TAS2R1: variants seen among roughly 807,000 people sequenced by gnomAD.
TAS2R1 encodes taste 2 receptor member 1.
For synonymous variants in TAS2R1, 141 were observed against 134.2 expected (o/e 1.05, Z -0.35); for missense variants, 370 against 353.4 (o/e 1.05, Z -0.38).
At chr5:9,775,515 A>G in the TAS2R1 span, among the ~76,000 whole-genome samples, 1 of 152,154 alleles carries the variant, frequency 6.6e-6, no homozygotes, top group African/African-American at 2.4e-5. Flanking sequence ...TTCCATAGAC[A>G]TCACAGCTGG....
chr5:9,640,512 A>AAAC (rs1561366615), intron 2 of TAS2R1, among the ~76,000 whole-genome samples: 4 of 150,660 alleles, frequency 2.7e-5, no homozygotes, highest in Non-Finnish European at 5.9e-5. Context: ...AAAAAAAAAA[A>AAAC]AAAAAAAAAA....
In TAS2R1 at chr5:9,630,191, A is replaced by T. The variant is rs935189695; in HGVS notation, c.-159T>A. 1 of 550,702 alleles carries T rather than the reference A, an allele frequency of 1.8e-6. No homozygotes were observed. The highest frequency in any genetic ancestry group is 3.1e-6 in the Non-Finnish European group (1 of 320,524). 34.1% of individuals were successfully genotyped at this position (550,702 alleles called of 1,614,324 possible). A position where few individuals can be genotyped will look rare whatever the true frequency, so the allele number is the denominator to read the frequency against. ...AAGGTGGTGTACATTTGTTTATGTCACTGCTTTCTCTATTTAGTTCTGAGA... is the reference window on the plus strand; with the variant it reads ...AAGGTGGTGTACATTTGTTTATGTCTCTGCTTTCTCTATTTAGTTCTGAGA... On this transcript the variant is annotated 5_prime_UTR_variant, in exon 1 of 1. Coordinates refer to ENST00000382492, the MANE Select transcript of TAS2R1 (RefSeq NM_019599.3).
the TAS2R1 span, among the ~76,000 whole-genome samples, chr5:9,838,927 G>T: frequency 6.6e-6 from 1 of 152,220 alleles, no homozygotes; most frequent in Non-Finnish European, 1.5e-5. Context: ...AGAGCTGGAT[G>T]GTTAGAAGGC....
the TAS2R1 span, among the ~76,000 whole-genome samples, chr5:9,833,192 G>A: frequency 6.6e-6 from 1 of 152,192 alleles, no homozygotes; most frequent in South Asian, 2.1e-4. Flanking sequence ...GAGCCTCAGA[G>A]AGATGACTTT....
chr5:9,641,894 G>A (rs1740092181), intron 2 of TAS2R1: 2 of 152,186 alleles, frequency 1.3e-5, no homozygotes, highest in Admixed American at 6.5e-5. Context: ...GGCTTGGAAC[G>A]TTGACAGTTT....
At chr5:9,797,997 C>G in the TAS2R1 span, among the ~76,000 whole-genome samples, 1 of 152,130 alleles carries the variant, frequency 6.6e-6, no homozygotes, top group African/African-American at 2.4e-5. Flanking sequence ...AATCGGGATA[C>G]CCATCAGCTG....
intron 1 of TAS2R1, among the ~76,000 whole-genome samples, chr5:9,711,886 G>A (rs1163488618): frequency 1.3e-5 from 2 of 151,104 alleles, no homozygotes; most frequent in Admixed American, 6.6e-5. Context: ...GGCTGGTCTC[G>A]AACTCCTGAC....
chr5:9,662,713 T>C (rs1469439311), intron 1 of TAS2R1, among the ~76,000 whole-genome samples: 4 of 152,208 alleles, frequency 2.6e-5, no homozygotes, highest in African/African-American at 9.6e-5. Context: ...CCCAAAACTC[T>C]ATCCGTGTTC....
At chr5:9,690,308 ATGT>A (rs1012573749) in intron 1 of TAS2R1, among the ~76,000 whole-genome samples, 2 of 152,130 alleles carry the variant, frequency 1.3e-5, no homozygotes, top group African/African-American at 4.8e-5. Context: ...GGAAAATCAA[ATGT>A]TGTGATTTGT....
the TAS2R1 span, among the ~76,000 whole-genome samples, chr5:9,853,266 A>G: frequency 0.65 from 98,652 of 152,122 alleles, 32,188 homozygotes; most frequent in Middle Eastern, 0.73. Flanking sequence ...GCAGTGTTAC[A>G]GCTTCGTGAC....
In TAS2R1 at chr5:9,710,896, C is replaced by T. The variant is rs201524597; in HGVS notation, c.-242+1276G>A. ...ATATATATGCATACACACACACACA[C>T]ATATATATATAACCAGATTATATAT... On this transcript the variant is annotated intron_variant, in intron 1 of 2. Coordinates refer to the TAS2R1 transcript ENST00000506620. 3.4e-3 allele frequency among the ~76,000 whole-genome samples: 494 copies of T among 144,080 alleles called. 3 individuals are homozygous for T. Among genetic ancestry groups the T allele is most frequent in the Non-Finnish European group, 5.7e-3 (383 of 66,696 alleles). The allele number at this position is 144,080 out of a possible 152,430, so 94.5% of individuals were successfully genotyped here. A position where few individuals can be genotyped will look rare whatever the true frequency, so the allele number is the denominator to read the frequency against.
intron 1 of TAS2R1, among the ~76,000 whole-genome samples, chr5:9,705,637 A>C (rs1175137960): frequency 6.6e-6 from 1 of 152,118 alleles, no homozygotes; most frequent in Non-Finnish European, 1.5e-5. Flanking sequence ...GGTGGGCAGA[A>C]CAACTGAGAT....
At chr5:9,825,735 C>A in the TAS2R1 span, among the ~76,000 whole-genome samples, 1 of 152,200 alleles carries the variant, frequency 6.6e-6, no homozygotes, top group Admixed American at 6.5e-5. Context: ...TGTATTTCCA[C>A]ACATTCAATC....
chr5:9,724,930 G>A, the TAS2R1 span, among the ~76,000 whole-genome samples: 2 of 152,236 alleles, frequency 1.3e-5, no homozygotes, highest in Non-Finnish European at 2.9e-5. Context: ...ATGCAAGTGT[G>A]TGCATTAAGC....
chr5:9,744,608 G>A, the TAS2R1 span, among the ~76,000 whole-genome samples: 3 of 152,102 alleles, frequency 2.0e-5, no homozygotes, highest in Middle Eastern at 3.2e-3. Context: ...GACATCATTA[G>A]ATTATCAGAT....
At chr5:9,789,488 T>G in the TAS2R1 span, among the ~76,000 whole-genome samples, 2 of 152,186 alleles carry the variant, frequency 1.3e-5, no homozygotes, top group African/African-American at 4.8e-5. Flanking sequence ...AACTTCAACG[T>G]GGAGCCAATT....
chr5:9,810,980 G>C, the TAS2R1 span, among the ~76,000 whole-genome samples: 471 of 152,230 alleles, frequency 3.1e-3, 1 homozygote, highest in African/African-American at 0.011. Flanking sequence ...GGTTCCTATC[G>C]CATGACCTCA....
chr5:9,629,169 T>C lies in TAS2R1; in HGVS notation c.864A>G (p.Ala288=). The part of the protein sequence containing the change: ...ILGNPKLKQN[A]KKFLLHSKCC... The stretch of plus-strand genomic sequence containing the variant: ...ACTTACTGTGGAGGAGGAACTTTTT[T>C]GCATTTTGTTTCAATTTAGGATTTC... The change falls in exon 1 of 1, where the codon GCA becomes GCG. Residue 288 remains alanine, a synonymous_variant. Transcript: ENST00000382492. 1 of 1,585,064 alleles carries C rather than the reference T, an allele frequency of 6.3e-7. No individual in the cohort carries two copies.
chr5:9,874,581 G>T, the TAS2R1 span, among the ~76,000 whole-genome samples: 1 of 152,162 alleles, frequency 6.6e-6, no homozygotes. Context: ...CCTTCAGGTG[G>T]CAAGACATTG....
Sources: allele counts gnomAD v4.1 joint callset (sites outside exome capture counted in the v4.1 genomes callset), GRCh38; gene constraint gnomAD v4.1.1; transcripts MANE v1.5; gene names NCBI Gene and HGNC (gene_info 2026-07-23, HGNC 2026-07-21).